The following RILPL2 variants were observed in gnomAD, a reference collection of about 807,000 sequenced individuals.
The protein encoded by RILPL2 is Rab interacting lysosomal protein like 2.
RILPL2 carries 19 observed loss-of-function variants against 22.2 expected under a neutral mutation model. The ratio of observed to expected loss-of-function variants is 0.86; its 90% CI spans 0.60 to 1.25. The LOEUF is 1.25. Ranked by LOEUF, RILPL2 falls within the 50% of genes most tolerant of loss-of-function variation. The pLI is 0.00. For missense variants in RILPL2, 243 were observed against 263.6 expected, an observed-to-expected ratio of 0.92 and a Z score of 0.54; for synonymous variants, 123 against 111.6, an observed-to-expected ratio of 1.10 and a Z score of -0.64.
At chr12:123,409,716 T>TA in the RILPL2 span, among the ~76,000 whole-genome samples, 1 of 8,606 alleles carries the variant, frequency 1.2e-4, no homozygotes, top group Non-Finnish European at 3.7e-4. Flanking sequence ...CACCTGGCCT[T>TA]TTTTTTTTTT....
downstream of RILPL2, chr12:123,411,431 G>C (rs919155065): frequency 6.6e-6 from 1 of 151,534 alleles, no homozygotes; most frequent in African/African-American, 2.4e-5. Context: ...GTCAGGAGCT[G>C]AGATCCTGCC....
intron 3 of RILPL2, among the ~76,000 whole-genome samples, chr12:123,421,397 T>A (rs1026813215): frequency 2.0e-5 from 3 of 152,044 alleles, no homozygotes; most frequent in Non-Finnish European, 2.9e-5. Context: ...TCCTACTTCA[T>A]CTCATCAAAT....
At chr12:123,421,043 CTT>C (rs543923372) in intron 3 of RILPL2, among the ~76,000 whole-genome samples, 66 of 139,606 alleles carry the variant, frequency 4.7e-4, no homozygotes, top group Admixed American at 8.8e-4. Flanking sequence ...TATGTTAAAT[CTT>C]TTTTTTTTTT....
chr12:123,435,025 A>AG (rs1879754349), intron 1 of RILPL2, among the ~76,000 whole-genome samples: 1 of 150,294 alleles, frequency 6.7e-6, no homozygotes, highest in Admixed American at 6.7e-5. Flanking sequence ...AAAAGAAAAA[A>AG]AAAAAATAGC....
At chr12:123,430,839 C>G (rs1879624241) in intron 1 of RILPL2, among the ~76,000 whole-genome samples, 180 bp from the exon 2 acceptor site, 1 of 152,098 alleles carries the variant, frequency 6.6e-6, no homozygotes, top group Non-Finnish European at 1.5e-5. Flanking sequence ...ACTGGGATTA[C>G]AGGCGCCCGC....
chr12:123,419,597 C>T (rs1327323593), intron 3 of RILPL2, among the ~76,000 whole-genome samples: 1 of 148,550 alleles, frequency 6.7e-6, no homozygotes, highest in Admixed American at 7.0e-5. Context: ...GATATTGACT[C>T]CCTTTTTTCT....
chr12:123,433,744 T>C (rs1053034052), intron 1 of RILPL2, among the ~76,000 whole-genome samples: 5 of 152,128 alleles, frequency 3.3e-5, no homozygotes, highest in Admixed American at 3.3e-4. Context: ...GTTCTAGGAC[T>C]GTGTGTCTGA....
Position 123,436,094 on chromosome 12 carries a change from C to A in RILPL2, c.327G>T (p.Pro109=). The A allele has an allele frequency of 6.3e-7, 1 of 1,575,816 alleles. No homozygotes were observed. Among genetic ancestry groups the A allele is most frequent in the Non-Finnish European group, 8.6e-7 (1 of 1,161,012 alleles). Residue 109 remains proline (P), a synonymous_variant, in exon 1 of 4, where the codon CCG becomes CCT. Transcript: ENST00000280571. The surrounding 1 kb of genome is among the most constrained non-coding windows in gnomAD (Gnocchi z 6.7). ...CTCCCACACTCACCTCCCCGCTGGC[C>A]GGAGGGCTCTGTCTCCGCAGCCCCT... ...EVEGLRRQSP[P]ASGEVNLGPN... is the part of the protein sequence containing the mutation.
chr12:123,411,045 T>A (rs1185019167), downstream of RILPL2: 1 of 147,458 alleles, frequency 6.8e-6, no homozygotes, highest in Non-Finnish European at 1.5e-5. Flanking sequence ...TTTATTTATT[T>A]ATTTTTTTTT....
intron 2 of RILPL2, among the ~76,000 whole-genome samples, chr12:123,423,786 T>G (rs1221357904): frequency 6.6e-6 from 1 of 151,870 alleles, no homozygotes; most frequent in Non-Finnish European, 1.5e-5. Context: ...CCCGAGTAGC[T>G]GGGACTATAG....
chr12:123,432,817 T>C (rs1279113836), intron 1 of RILPL2, among the ~76,000 whole-genome samples: 1 of 152,132 alleles, frequency 6.6e-6, no homozygotes, highest in East Asian at 1.9e-4. Flanking sequence ...TCAGTTAACT[T>C]TCCTTGACTC....
rs745968599 is a variant in RILPL2 at position 123,430,617 on chromosome 12, G to T, written c.382C>A (p.Pro128Thr). 2 of 1,609,538 alleles carry T rather than the reference G, an allele frequency of 1.2e-6. No homozygotes were observed. Among genetic ancestry groups the T allele is most frequent in the African/African-American group, 2.7e-5 (2 of 74,682 alleles). The change falls in exon 2 of 4, where the codon CCC becomes ACC. Residue 128 changes from proline (P) to threonine (T), a missense_variant. Coordinates refer to ENST00000280571, the MANE Select transcript of RILPL2 (RefSeq NM_145058.3). ...TGCAGAGTGAAGCGGGGTCGGTTGG[G>T]ATCTGTCAGGTCAACCACCATTTTG... ...PNKMVVDLTDPNRPRFTLQEL... is the reference protein window; with the variant it reads ...PNKMVVDLTDTNRPRFTLQEL...
At chr12:123,416,248 C>T (rs866535864) in intron 3 of RILPL2, among the ~76,000 whole-genome samples, 18 of 152,126 alleles carry the variant, frequency 1.2e-4, no homozygotes, top group South Asian at 8.3e-4. Context: ...CGCTTGAACC[C>T]GGGACGCAGA....
chr12:123,410,259 G>A (rs1878931477), downstream of RILPL2, among the ~76,000 whole-genome samples: 2 of 152,154 alleles, frequency 1.3e-5, no homozygotes. Context: ...ATGATTCTCA[G>A]GAGGCTCTGA....
At chr12:123,416,584 G>A (rs1042659700) in intron 3 of RILPL2, among the ~76,000 whole-genome samples, 3 of 152,110 alleles carry the variant, frequency 2.0e-5, no homozygotes, top group Non-Finnish European at 4.4e-5. Flanking sequence ...AGCTTGCAGT[G>A]AGCCAAGATG....
chr12:123,424,601 G>A (rs573698362), intron 2 of RILPL2, among the ~76,000 whole-genome samples: 1 of 152,248 alleles, frequency 6.6e-6, no homozygotes, highest in South Asian at 2.1e-4. Flanking sequence ...AAAGTGTTGG[G>A]ATTACAGGCA....
chr12:123,418,756 C>CTTTTTTTTTTTTTTTT (rs1202023726), intron 3 of RILPL2, among the ~76,000 whole-genome samples: 63 of 96,218 alleles, frequency 6.5e-4, no homozygotes, highest in Non-Finnish European at 7.7e-4. Context: ...CTTTTTCTTT[C>CTTTTTTTTTTTTTTTT]TTTTTTTTTT....
At chr12:123,416,455 C>T (rs1331833346) in intron 3 of RILPL2, among the ~76,000 whole-genome samples, 14 of 152,020 alleles carry the variant, frequency 9.2e-5, no homozygotes, top group East Asian at 1.9e-4. Flanking sequence ...CTGGCTCACA[C>T]GGTGAAACCC....
chr12:123,419,606 CTTTTTTTT>C (rs11361281), intron 3 of RILPL2, among the ~76,000 whole-genome samples: 7 of 130,354 alleles, frequency 5.4e-5, no homozygotes, highest in South Asian at 2.5e-4. Context: ...TCCCTTTTTT[CTTTTTTTT>C]TTTTTTTTTG....
Sources: allele counts gnomAD v4.1 joint callset (sites outside exome capture counted in the v4.1 genomes callset), GRCh38; gene constraint gnomAD v4.1.1; non-coding constraint Gnocchi (gnomAD v3.1); transcripts MANE v1.5; gene names NCBI Gene and HGNC (gene_info 2026-07-23, HGNC 2026-07-21).